TMEM182: variants seen among roughly 807,000 people sequenced by gnomAD.
The protein encoded by TMEM182 is transmembrane protein 182.
In TMEM182, 20 loss-of-function variants were observed where a neutral mutation model predicts 26.8. The ratio of observed to expected loss-of-function variants is 0.75; its 90% CI spans 0.53 to 1.09. The LOEUF is 1.09. Ranked by LOEUF, TMEM182 falls within the 50% of genes least tolerant of loss-of-function variation. The pLI, the probability that TMEM182 is intolerant of heterozygous loss-of-function variation, is 0.00. For synonymous variants in TMEM182, 109 were observed against 102.2 expected, an observed-to-expected ratio of 1.07 and a Z score of -0.40; for missense variants, 277 against 275.5, an observed-to-expected ratio of 1.01 and a Z score of -0.04.
chr2:102,822,137 A>G (rs1019339263), downstream of TMEM182, among the ~76,000 whole-genome samples: 1 of 152,174 alleles, frequency 6.6e-6, no homozygotes, highest in African/African-American at 2.4e-5. Flanking sequence ...GTCAATAAAT[A>G]TTTAAAAACA....
chr2:102,826,802 G>A (rs1188646152), intron 3 of TMEM182, among the ~76,000 whole-genome samples: 11 of 151,894 alleles, frequency 7.2e-5, no homozygotes, highest in Non-Finnish European at 1.0e-4. Context: ...TTGAGGGAGC[G>A]GGTCGCAATA....
chr2:102,805,440 G>A (rs552507900), intron 4 of TMEM182, among the ~76,000 whole-genome samples: 10 of 152,072 alleles, frequency 6.6e-5, no homozygotes, highest in Admixed American at 2.0e-4. Context: ...CCAACCTGAC[G>A]GACCTTGTTG....
At chr2:102,752,591 A>T (rs1679906289) in intron 1 of TMEM182, among the ~76,000 whole-genome samples, 1 of 152,204 alleles carries the variant, frequency 6.6e-6, no homozygotes, top group Non-Finnish European at 1.5e-5. Flanking sequence ...TCTTGGAGAC[A>T]TGGTGGCACT....
intron 3 of TMEM182, among the ~76,000 whole-genome samples, chr2:102,797,095 A>G (rs887690236): frequency 3.3e-5 from 5 of 152,202 alleles, no homozygotes; most frequent in African/African-American, 9.6e-5. Flanking sequence ...TATATCACCA[A>G]ACCTACTATT....
chr2:102,776,919 T>C (rs570606720), intron 3 of TMEM182, among the ~76,000 whole-genome samples: 7 of 152,304 alleles, frequency 4.6e-5, no homozygotes, highest in Admixed American at 3.9e-4. Context: ...ACATCTTTTC[T>C]CATGCTTATT....
intron 3 of TMEM182, among the ~76,000 whole-genome samples, chr2:102,826,106 A>T (rs1683025746): frequency 6.6e-6 from 1 of 152,184 alleles, no homozygotes; most frequent in Admixed American, 6.5e-5. Context: ...GGCTTGAACC[A>T]TTAAATGGGA....
At chr2:102,802,788 T>A (rs11895089) in intron 4 of TMEM182, among the ~76,000 whole-genome samples, 31,336 of 152,172 alleles carry the variant, frequency 0.21, 3,438 homozygotes, top group African/African-American at 0.28. Flanking sequence ...TGAGTAAGGA[T>A]GTGGCCTGGA....
At position 102,816,292 on chromosome 2, in the gene TMEM182, G is replaced by T; in HGVS notation, c.*1324G>T. On this transcript the variant is annotated 3_prime_UTR_variant, in exon 5 of 5. Transcript: ENST00000412401. Reference sequence around the variant, plus strand: ...ATTCTGCAGCTGTTGTGAGGACAGAGAGGCATGGCCCACAGGCAAAAAAAG... The same window carrying T: ...ATTCTGCAGCTGTTGTGAGGACAGATAGGCATGGCCCACAGGCAAAAAAAG... 1.0e-6 allele frequency: 1 copy of T among 985,354 alleles called. No individual in the cohort carries two copies. The highest frequency in any genetic ancestry group is 1.2e-6 in the Non-Finnish European group (1 of 829,932). The allele number at this position is 985,354 out of a possible 1,614,324, so 61.0% of individuals were successfully genotyped here.
chr2:102,757,010 C>G (rs1160886249), intron 1 of TMEM182, among the ~76,000 whole-genome samples: 8 of 152,126 alleles, frequency 5.3e-5, no homozygotes, highest in Admixed American at 1.3e-4. Flanking sequence ...CTGAGTTTCA[C>G]CATCTTGGCC....
At chr2:102,826,426 C>T (rs1479664459) in intron 3 of TMEM182, among the ~76,000 whole-genome samples, 6 of 151,426 alleles carry the variant, frequency 4.0e-5, no homozygotes, top group African/African-American at 1.5e-4. Context: ...GATCCGACTT[C>T]CACCATTGGC....
In TMEM182 at chr2:102,762,608, C is replaced by A; in HGVS notation, c.154C>A (p.His52Asn). The A allele has an allele frequency of 1.2e-6, 2 of 1,613,702 alleles. No homozygotes were observed. Among genetic ancestry groups the A allele is most frequent in the Non-Finnish European group, 8.5e-7 (1 of 1,179,836 alleles). The change falls in exon 2 of 5, where the codon CAT (histidine) becomes AAT (asparagine). Residue 52 changes from histidine to asparagine, a missense_variant. His to Asn is a moderately conservative substitution (Grantham distance 68). Coordinates refer to ENST00000412401, the MANE Select transcript of TMEM182 (RefSeq NM_144632.5). Reference sequence around the variant, plus strand: ...GCAGATAGAGAACGTCACTTTTCACCATGAAGGGTTCTTCTGGAGGTGTTG... The same window carrying A: ...GCAGATAGAGAACGTCACTTTTCACAATGAAGGGTTCTTCTGGAGGTGTTG... ...EKNIENVTFH[H>N]EGFFWRCWFN...
At position 102,798,083 on chromosome 2, in the gene TMEM182, A is replaced by C. The variant is rs945485005; in HGVS notation, c.469+83A>C. 1.5e-5 allele frequency: 23 copies of C among 1,489,494 alleles called. No homozygotes were observed. In the South Asian group the frequency reaches 2.8e-4, roughly 18 times the overall value. The allele number at this position is 1,489,494 out of a possible 1,614,324, so 92.3% of individuals were successfully genotyped here. Reference sequence around the variant, plus strand: ...TTTTTCATTTCTATATTCAGGCGTCAGCCTTCTAGTAACAGTAACACAATA... The same window carrying C: ...TTTTTCATTTCTATATTCAGGCGTCCGCCTTCTAGTAACAGTAACACAATA... On this transcript the variant is annotated intron_variant, in intron 4 of 4. Transcript: ENST00000412401.
intron 3 of TMEM182, among the ~76,000 whole-genome samples, chr2:102,836,538 G>A (rs1329766483): frequency 6.6e-6 from 1 of 152,180 alleles, no homozygotes; most frequent in Non-Finnish European, 1.5e-5. Context: ...ATGCTATGAG[G>A]TGAGTGCTAT....
At chr2:102,818,111 T>C (rs972963619), downstream of TMEM182, among the ~76,000 whole-genome samples, 3 of 152,144 alleles carry the variant, frequency 2.0e-5, no homozygotes, top group Admixed American at 6.5e-5. Flanking sequence ...TGGGGTTACA[T>C]TGAAGAAAAT....
intron 3 of TMEM182, among the ~76,000 whole-genome samples, chr2:102,793,577 A>T (rs1180464442): frequency 6.6e-6 from 1 of 152,186 alleles, no homozygotes; most frequent in Non-Finnish European, 1.5e-5. Context: ...CAAGTCCCTG[A>T]TATAAAATGG....
chr2:102,761,584 T>C (rs1169494987), upstream of TMEM182, among the ~76,000 whole-genome samples: 1 of 152,236 alleles, frequency 6.6e-6, no homozygotes, highest in Non-Finnish European at 1.5e-5. Flanking sequence ...TGTACTGTGT[T>C]ATGTTAGACT....
At chr2:102,745,583 A>G (rs1679669817) in intron 1 of TMEM182, among the ~76,000 whole-genome samples, 1 of 152,114 alleles carries the variant, frequency 6.6e-6, no homozygotes, top group Admixed American at 6.5e-5. Flanking sequence ...CAATTTTAGA[A>G]TGTTTTAATC....
At chr2:102,800,057 A>C (rs1312934373) in intron 4 of TMEM182, among the ~76,000 whole-genome samples, 1 of 152,160 alleles carries the variant, frequency 6.6e-6, no homozygotes, top group Non-Finnish European at 1.5e-5. Flanking sequence ...ACCCTGTTAA[A>C]CCATTCTTTC....
downstream of TMEM182, among the ~76,000 whole-genome samples, chr2:102,818,131 G>A (rs1233897224): frequency 6.6e-6 from 1 of 152,168 alleles, no homozygotes; most frequent in East Asian, 1.9e-4. Context: ...TATAAGATGA[G>A]CTAAATCAAA....
Sources: allele counts gnomAD v4.1 joint callset (sites outside exome capture counted in the v4.1 genomes callset), GRCh38; gene constraint gnomAD v4.1.1; transcripts MANE v1.5; gene names NCBI Gene and HGNC (gene_info 2026-07-23, HGNC 2026-07-21).